Variants in MAP3K2 observed in about 807,000 individuals in gnomAD.
MAP3K2 encodes the protein MAP/ERK kinase kinase 2.
A neutral mutation model predicts 80.3 loss-of-function variants in MAP3K2; 24 were observed. The observed-to-expected ratio is 0.30, with a 90% confidence interval of 0.22 to 0.42. The LOEUF is 0.42. Among genes scored for constraint, MAP3K2 ranks in the 10% least tolerant of loss-of-function variants. MAP3K2 has a pLI of 1.00. For missense variants in MAP3K2, 608 were observed against 750.1 expected (o/e 0.81, Z 2.21); for synonymous variants, 244 against 253.7 (o/e 0.96, Z 0.36).
Position 127,308,602 on chromosome 2 carries a change from T to A in MAP3K2, c.1617A>T (p.Gly539=), listed in dbSNP as rs753809041. 10 of 1,563,994 alleles carry A rather than the reference T, an allele frequency of 6.4e-6. No individual in the cohort carries two copies. Among genetic ancestry groups the A allele is most frequent in the Non-Finnish European group, 7.8e-6 (9 of 1,147,678 alleles). ...AAACCTACCAGATGTCTGCTTTTCT[T>A]CCATAGCCTTCTCCACTGATGACTT... ...SPEVISGEGY[G]RKADIWSVAC... Residue 539 remains glycine (G), a synonymous_variant, in exon 16 of 17, where the codon GGA becomes GGT. Coordinates refer to ENST00000682094, the MANE Select transcript of MAP3K2 (RefSeq NM_001371910.2).
At chr2:127,337,345 C>G (rs1357276894) in intron 4 of MAP3K2, among the ~76,000 whole-genome samples, 1 of 152,074 alleles carries the variant, frequency 6.6e-6, no homozygotes, top group Non-Finnish European at 1.5e-5. Flanking sequence ...AAACTGAGGT[C>G]TCTTGAGAAT....
intron 1 of MAP3K2, among the ~76,000 whole-genome samples, chr2:127,368,736 C>G (rs1687013876): frequency 6.6e-6 from 1 of 152,032 alleles, no homozygotes; most frequent in African/African-American, 2.4e-5. Flanking sequence ...CCTAATATAA[C>G]TGCCATGTAA....
intron 1 of MAP3K2, among the ~76,000 whole-genome samples, chr2:127,379,470 C>T (rs906657000): frequency 8.5e-5 from 13 of 152,182 alleles, no homozygotes; most frequent in Non-Finnish European, 1.8e-4. Context: ...AGATCCCAAG[C>T]TCATAATCTT....
intron 1 of MAP3K2, among the ~76,000 whole-genome samples, chr2:127,383,784 C>T (rs892361186): frequency 5.3e-5 from 8 of 151,992 alleles, no homozygotes; most frequent in Admixed American, 2.6e-4. Flanking sequence ...CATTGAGATG[C>T]TAACTCTAAA....
At chr2:127,379,002 T>TTTGTG (rs397810683) in intron 1 of MAP3K2, among the ~76,000 whole-genome samples, 1 of 118,838 alleles carries the variant, frequency 8.4e-6, no homozygotes, top group Non-Finnish European at 1.8e-5. Context: ...TTTTTTTTTT[T>TTTGTG]GGAGAGACAG....
Position 127,307,771 on chromosome 2 carries a change from A to G in MAP3K2, c.1668T>C (p.Thr556=). The G allele has an allele frequency of 1.9e-6, 3 of 1,594,218 alleles. No individual in the cohort carries two copies. Among genetic ancestry groups the G allele is most frequent in the Non-Finnish European group, 2.6e-6 (3 of 1,169,436 alleles). The part of the protein sequence containing the change: ...SVACTVVEML[T]EKPPWAEFEA... ...CAAATTCAGCCCAAGGCGGCTTTTC[A>G]GTTAGCATTTCTACCACAGTACATG... is the stretch of plus-strand genomic sequence containing the variant. The change falls in exon 17 of 17, where the codon ACT becomes ACC. Residue 556 remains threonine (T), a synonymous_variant. Coordinates refer to ENST00000682094, the MANE Select transcript of MAP3K2 (RefSeq NM_001371910.2). The surrounding 1 kb of genome is among the most constrained non-coding windows in gnomAD (Gnocchi z 5.4).
intron 1 of MAP3K2, among the ~76,000 whole-genome samples, chr2:127,344,985 C>A (rs1231338825): frequency 6.6e-6 from 1 of 152,050 alleles, no homozygotes; most frequent in East Asian, 1.9e-4. Context: ...CACCTCAGCA[C>A]CCCCGAGTAG....
At chr2:127,350,880 C>T (rs1686681307) in intron 1 of MAP3K2, among the ~76,000 whole-genome samples, 1 of 151,764 alleles carries the variant, frequency 6.6e-6, no homozygotes, top group African/African-American at 2.4e-5. Context: ...ACTAGCCTGA[C>T]TTCAATTTTT....
At chr2:127,387,095 CCA>C (rs1186357095) in intron 1 of MAP3K2, among the ~76,000 whole-genome samples, 1 of 152,222 alleles carries the variant, frequency 6.6e-6, no homozygotes, top group Non-Finnish European at 1.5e-5. Flanking sequence ...CAAAAGATTA[CCA>C]CACTGTGACA....
intron 1 of MAP3K2, among the ~76,000 whole-genome samples, chr2:127,361,131 G>C (rs1377965325): frequency 6.6e-6 from 1 of 151,958 alleles, no homozygotes; most frequent in Non-Finnish European, 1.5e-5. Flanking sequence ...GGCTAACACA[G>C]TAAAACCCCG....
At chr2:127,314,646 T>C in intron 15 of MAP3K2, 108 bp downstream of exon 15, 3 of 863,050 alleles carry the variant, frequency 3.5e-6, no homozygotes, top group Non-Finnish European at 5.3e-6. Context: ...TTCCCTGTAG[T>C]ATTTCAGAGA....
rs1012795780 is a variant in MAP3K2, at chr2:127,301,861, G to A, written c.*5718C>T. 1 of 152,160 alleles carries A rather than the reference G, an allele frequency of 6.6e-6. No homozygotes were observed. The highest frequency in any genetic ancestry group is 1.5e-5 in the Non-Finnish European group (1 of 68,030). The allele number at this position is 152,160 out of a possible 1,614,324, so 9.4% of individuals were successfully genotyped here. A position where few individuals can be genotyped will look rare whatever the true frequency, so the allele number is the denominator to read the frequency against. ...AAAAAGAATCTCTAGGCTCCCCCAA[G>A]AGCTCATTTCCATCAACAGCTCTGG... On this transcript the variant is annotated 3_prime_UTR_variant, in exon 17 of 17. Coordinates refer to ENST00000682094, the MANE Select transcript of MAP3K2 (RefSeq NM_001371910.2).
chr2:127,387,993 G>GCACGT (rs1388290344), upstream of MAP3K2: 1 of 983,910 alleles, frequency 1.0e-6, no homozygotes, highest in African/African-American at 1.8e-5. Context: ...GTAGCGCGGC[G>GCACGT]CACGTCACGG....
At chr2:127,330,119 A>G (rs1686223166) in intron 6 of MAP3K2, 111 bp from the exon 7 acceptor site, 2 of 672,496 alleles carry the variant, frequency 3.0e-6, no homozygotes, top group Non-Finnish European at 5.2e-6. Context: ...GCCTTAATCA[A>G]ATCCTCTACT....
chr2:127,375,410 AT>A (rs775598052), intron 1 of MAP3K2, among the ~76,000 whole-genome samples: 1 of 126,304 alleles, frequency 7.9e-6, no homozygotes, highest in Non-Finnish European at 1.8e-5. Context: ...TTATTTATTT[AT>A]TTATTTATTT....
intron 5 of MAP3K2, among the ~76,000 whole-genome samples, chr2:127,335,654 C>A (rs772357694): frequency 6.6e-6 from 1 of 152,298 alleles, no homozygotes; most frequent in Non-Finnish European, 1.5e-5. Context: ...CCCTATAATA[C>A]ACCCTCATTC....
intron 5 of MAP3K2, among the ~76,000 whole-genome samples, chr2:127,335,038 G>T (rs1481315820): frequency 6.6e-6 from 1 of 152,226 alleles, no homozygotes; most frequent in East Asian, 1.9e-4. Flanking sequence ...AAAGTACTGG[G>T]ATTACAAGCG....
chr2:127,329,752 T>C (rs1173800953), intron 7 of MAP3K2, among the ~76,000 whole-genome samples, 169 bp downstream of exon 7: 1 of 152,170 alleles, frequency 6.6e-6, no homozygotes, highest in Non-Finnish European at 1.5e-5. Context: ...TCCTGTAAAC[T>C]TGAATTTCCA....
chr2:127,387,992 C>T, upstream of MAP3K2: 1 of 984,104 alleles, frequency 1.0e-6, no homozygotes, highest in Non-Finnish European at 1.2e-6. Context: ...CGTAGCGCGG[C>T]GCACGTCACG....
Sources: gnomAD v4.1 joint callset for allele counts (sites outside exome capture counted in the v4.1 genomes callset) on GRCh38, gnomAD v4.1.1 for gene constraint, Gnocchi (gnomAD v3.1) non-coding constraint, MANE v1.5 for transcripts, NCBI Gene and HGNC (gene_info 2026-07-23, HGNC 2026-07-21) for gene names.